The following MYLK variants were observed in gnomAD, a reference collection of about 807,000 sequenced individuals.
MYLK encodes myosin light chain kinase, smooth muscle.
MYLK carries 106 observed loss-of-function variants against 203.4 expected under a neutral mutation model. The ratio of observed to expected loss-of-function variants is 0.52; its 90% CI spans 0.45 to 0.61. MYLK has a LOEUF of 0.61. Ranked by LOEUF, MYLK falls within the 20% of genes least tolerant of loss-of-function variation. The pLI is 0.00. For synonymous variants in MYLK, 867 were observed against 959.5 expected, an observed-to-expected ratio of 0.90 and a Z score of 1.78; for missense variants, 2,072 against 2,442.3, an observed-to-expected ratio of 0.85 and a Z score of 3.20.
At chr3:123,695,111 G>A (rs143278013) in intron 18 of MYLK, among the ~76,000 whole-genome samples, 1 of 152,324 alleles carries the variant, frequency 6.6e-6, no homozygotes, top group Non-Finnish European at 1.5e-5. Context: ...GGAAGGGGAT[G>A]TGGATGGAGG....
chr3:123,749,833 TTGAC>T (rs2063141090), intron 5 of MYLK, among the ~76,000 whole-genome samples: 1 of 152,196 alleles, frequency 6.6e-6, no homozygotes, highest in South Asian at 2.1e-4. Context: ...CCAAGACCAT[TTGAC>T]TTTCTTTCCA....
At chr3:123,688,855 A>G (rs1361255664) in intron 19 of MYLK, among the ~76,000 whole-genome samples, 3 of 151,978 alleles carry the variant, frequency 2.0e-5, no homozygotes, top group Admixed American at 2.0e-4. Flanking sequence ...CCCCCTCCAA[A>G]AATGGTATTC....
At chr3:123,714,077 A>G (rs1325774874) in intron 13 of MYLK, among the ~76,000 whole-genome samples, 1 of 152,228 alleles carries the variant, frequency 6.6e-6, no homozygotes. Context: ...TCATGTAACG[A>G]TGATTCCTTA....
At chr3:123,826,616 C>T (rs1423950227) in intron 3 of MYLK, among the ~76,000 whole-genome samples, 1 of 152,220 alleles carries the variant, frequency 6.6e-6, no homozygotes, top group Non-Finnish European at 1.5e-5. Context: ...CATCTGCATG[C>T]TCATGCTCCT....
intron 3 of MYLK, among the ~76,000 whole-genome samples, chr3:123,808,220 G>A (rs1386712647): frequency 2.0e-5 from 3 of 152,206 alleles, no homozygotes; most frequent in African/African-American, 7.2e-5. Context: ...ACCAGGGGCA[G>A]GGCACAGGGA....
chr3:123,846,994 C>A (rs776731971), intron 2 of MYLK, among the ~76,000 whole-genome samples: 2 of 152,038 alleles, frequency 1.3e-5, no homozygotes, highest in Non-Finnish European at 2.9e-5. Context: ...TTACAGTATA[C>A]AGTTGGTTCT....
chr3:123,790,294 T>C (rs2064724428), intron 4 of MYLK, among the ~76,000 whole-genome samples: 1 of 152,212 alleles, frequency 6.6e-6, no homozygotes, highest in Non-Finnish European at 1.5e-5. Context: ...AAGCTCCCTA[T>C]CTGACTTCAG....
chr3:123,706,488 C>T (rs1480602925), intron 16 of MYLK, among the ~76,000 whole-genome samples: 1 of 152,142 alleles, frequency 6.6e-6, no homozygotes, highest in Non-Finnish European at 1.5e-5. Flanking sequence ...ACAGGTCTAA[C>T]CATCCTCAGG....
In MYLK at chr3:123,709,886, C is replaced by A; in HGVS notation, c.1812G>T (p.Lys604Asn). ...GAAGGTACTCACTCTTCCTGCTACT[C>A]TTCTTTTCTGTGTGGTAGAAAACAG... ...CSAWVTVHEK[K>N]SSRKSEYLLP... Residue 604 changes from lysine to asparagine, a missense_variant, in exon 14 of 34, where the codon AAG becomes AAT. Coordinates refer to ENST00000360304, the MANE Select transcript of MYLK (RefSeq NM_053025.4). The A allele has an allele frequency of 1.2e-6, 2 of 1,614,122 alleles. No individual in the cohort carries two copies. The highest frequency in any genetic ancestry group is 1.7e-6 in the Non-Finnish European group (2 of 1,180,030).
chr3:123,722,157 A>G lies in MYLK; in HGVS notation c.1775T>C (p.Val592Ala), dbSNP rs374420141. ...GACGGTGACCCAGGCGCTGCAGGACACCTGCCCCAAGGCATTCTCAGCTAG... is the reference window on the plus strand; with the variant it reads ...GACGGTGACCCAGGCGCTGCAGGACGCCTGCCCCAAGGCATTCTCAGCTAG... The part of the protein sequence containing the change: ...TCLAENALGQ[V>A]SCSAWVTVHE... Residue 592 changes from valine to alanine, a missense_variant, in exon 13 of 34, where the codon GTG (valine) becomes GCG (alanine). Coordinates refer to ENST00000360304, the MANE Select transcript of MYLK (RefSeq NM_053025.4). 8.9e-6 allele frequency: 14 copies of G among 1,565,082 alleles called. No individual in the cohort carries two copies. In the African/African-American group the frequency reaches 1.5e-4, roughly 17 times the overall value.
At chr3:123,800,427 C>T (rs2065155038) in intron 3 of MYLK, among the ~76,000 whole-genome samples, 1 of 152,084 alleles carries the variant, frequency 6.6e-6, no homozygotes, top group South Asian at 2.1e-4. Flanking sequence ...TGTTTATGAT[C>T]CCTAGAGCAG....
chr3:123,662,722 C>T (rs959309279), intron 23 of MYLK, among the ~76,000 whole-genome samples: 2 of 152,202 alleles, frequency 1.3e-5, no homozygotes, highest in African/African-American at 2.4e-5. Flanking sequence ...CGTGTGTGTG[C>T]ACCAGGAACA....
intron 30 of MYLK, among the ~76,000 whole-genome samples, chr3:123,627,431 G>A (rs2058203002): frequency 6.6e-6 from 1 of 152,170 alleles, no homozygotes; most frequent in Non-Finnish European, 1.5e-5. Context: ...TGAATATCAG[G>A]TTTTTCCATT....
At chr3:123,747,302 G>C (rs1050448692) in intron 5 of MYLK, among the ~76,000 whole-genome samples, 1 of 152,154 alleles carries the variant, frequency 6.6e-6, no homozygotes, top group Non-Finnish European at 1.5e-5. Flanking sequence ...GTGACCTGCT[G>C]GCTGGCCCTC....
intron 5 of MYLK, among the ~76,000 whole-genome samples, chr3:123,746,374 T>C (rs2063017087): frequency 1.3e-5 from 2 of 151,834 alleles, no homozygotes; most frequent in Admixed American, 1.3e-4. Flanking sequence ...GGGAAAAGCC[T>C]AAATCTACCA....
intron 13 of MYLK, among the ~76,000 whole-genome samples, chr3:123,717,225 A>T (rs2061927366): frequency 6.6e-6 from 1 of 152,228 alleles, no homozygotes; most frequent in Admixed American, 6.5e-5. Flanking sequence ...GTGCATAACC[A>T]GGGAAGACAA....
chr3:123,883,462 T>C (rs556262644), intron 1 of MYLK, among the ~76,000 whole-genome samples: 33 of 152,266 alleles, frequency 2.2e-4, no homozygotes, highest in African/African-American at 7.7e-4. Context: ...TATATATCCT[T>C]GAAACCATTT....
intron 23 of MYLK, among the ~76,000 whole-genome samples, 164 bp from the exon 24 acceptor site, chr3:123,657,592 G>A (rs929567470): frequency 2.0e-5 from 3 of 152,178 alleles, no homozygotes; most frequent in African/African-American, 7.2e-5. Context: ...TTAGAGCTAT[G>A]TACAAACCCA....
In MYLK at chr3:123,614,065, T is replaced by C. The variant is rs773713964; in HGVS notation, c.*40A>G. The C allele has an allele frequency of 3.1e-6, 5 of 1,592,044 alleles. No individual in the cohort carries two copies. The highest frequency in any genetic ancestry group is 4.3e-6 in the Non-Finnish European group (5 of 1,162,764). ...TTTTTGAGTTTTAGAGAAATAGTCCTTTTAATATGACTTAGAAACTGCTTT... is the reference window on the plus strand; with the variant it reads ...TTTTTGAGTTTTAGAGAAATAGTCCCTTTAATATGACTTAGAAACTGCTTT... On this transcript the variant is annotated 3_prime_UTR_variant, in exon 34 of 34. Coordinates refer to ENST00000360304, the MANE Select transcript of MYLK (RefSeq NM_053025.4).
Sources: gnomAD v4.1 joint callset for allele counts (sites outside exome capture counted in the v4.1 genomes callset) on GRCh38, gnomAD v4.1.1 for gene constraint, MANE v1.5 for transcripts, NCBI Gene and HGNC (gene_info 2026-07-23, HGNC 2026-07-21) for gene names.